The following DPP10 variants were observed in gnomAD, a reference collection of about 807,000 sequenced individuals.
DPP10 encodes the protein dipeptidyl peptidase like 10, also known as inactive dipeptidyl peptidase 10.
In DPP10, 33 loss-of-function variants were observed where a neutral mutation model predicts 120.9. The ratio of observed to expected loss-of-function variants is 0.27; its 90% CI spans 0.21 to 0.37. DPP10 has a LOEUF of 0.37. Among genes scored for constraint, DPP10 ranks in the 10% least tolerant of loss-of-function variants. The pLI is 1.00. For missense variants in DPP10, 816 were observed against 942.8 expected, an observed-to-expected ratio of 0.87 and a Z score of 1.76; for synonymous variants, 337 against 326.1, an observed-to-expected ratio of 1.03 and a Z score of -0.36.
chr2:114,948,930 G>GTT (rs1250432482), intron 1 of DPP10, among the ~76,000 whole-genome samples: 7 of 144,262 alleles, frequency 4.9e-5, no homozygotes, highest in African/African-American at 7.6e-5. Context: ...GAGACACTTT[G>GTT]TTTTTTTTTT....
intron 3 of DPP10, among the ~76,000 whole-genome samples, chr2:115,354,713 A>C (rs375463199): frequency 2.3e-4 from 35 of 151,746 alleles, no homozygotes; most frequent in African/African-American, 8.5e-4. Flanking sequence ...CCCCCACCCA[A>C]CAATAGGCCC....
At chr2:115,358,309 G>T (rs2064540359) in intron 3 of DPP10, among the ~76,000 whole-genome samples, 1 of 152,134 alleles carries the variant, frequency 6.6e-6, no homozygotes, top group Non-Finnish European at 1.5e-5. Flanking sequence ...ATGTCTCTAG[G>T]GCAGGGGCAA....
intron 1 of DPP10, among the ~76,000 whole-genome samples, chr2:114,695,453 A>G (rs930510617): frequency 6.6e-6 from 1 of 152,034 alleles, no homozygotes; most frequent in African/African-American, 2.4e-5. Flanking sequence ...ATTCCTCTGG[A>G]AATTCTTTGA....
chr2:114,978,724 A>G (rs1319244088), intron 1 of DPP10, among the ~76,000 whole-genome samples: 1 of 152,184 alleles, frequency 6.6e-6, no homozygotes, highest in Non-Finnish European at 1.5e-5. Context: ...CCCAAATAAA[A>G]AATGACACTA....
rs553360112 is a variant in DPP10 at position 114,758,603 on chromosome 2, T to A, written c.60+315765T>A. On this transcript the variant is annotated intron_variant, in intron 1 of 25. Transcript: ENST00000410059. The stretch of plus-strand genomic sequence containing the variant: ...GCTTTTAATTGTCCGTTCTACAGTC[T>A]TTAATGCTAAGAAGATATAGAGGTT... Among the ~76,000 whole-genome samples, 3 of 152,338 alleles carry A rather than the reference T, an allele frequency of 2.0e-5. No individual in the cohort carries two copies. The South Asian group carries it at 6.2e-4, about 32-fold the overall frequency.
intron 1 of DPP10, among the ~76,000 whole-genome samples, chr2:115,283,308 C>G (rs1223214990): frequency 1.3e-5 from 2 of 151,960 alleles, no homozygotes; most frequent in Non-Finnish European, 2.9e-5. Context: ...AGAATTAATC[C>G]ATGAAAAACT....
chr2:114,615,441 A>G (rs1344486270), intron 1 of DPP10, among the ~76,000 whole-genome samples: 1 of 152,148 alleles, frequency 6.6e-6, no homozygotes, highest in Non-Finnish European at 1.5e-5. Context: ...AATTATTTCT[A>G]GATCTCTGTC....
chr2:114,742,128 A>T (rs1678125537), intron 1 of DPP10, among the ~76,000 whole-genome samples: 1 of 152,214 alleles, frequency 6.6e-6, no homozygotes, highest in Admixed American at 6.5e-5. Flanking sequence ...TACTTACACA[A>T]AAAGTCAACA....
chr2:115,805,702 G>A (rs1040577059), intron 19 of DPP10, among the ~76,000 whole-genome samples: 2 of 151,572 alleles, frequency 1.3e-5, no homozygotes, highest in African/African-American at 4.9e-5. Context: ...AGCCTCCCGA[G>A]TAGCTAGGAT....
chr2:114,494,127 C>T (rs1682280456), intron 1 of DPP10, among the ~76,000 whole-genome samples: 1 of 117,264 alleles, frequency 8.5e-6, no homozygotes. Flanking sequence ...AAAAACCCAG[C>T]AAATTGTCAA....
intron 3 of DPP10, among the ~76,000 whole-genome samples, chr2:115,456,707 A>T (rs1408725278): frequency 2.0e-5 from 3 of 152,120 alleles, no homozygotes; most frequent in Admixed American, 6.6e-5. Context: ...AACTAACACA[A>T]GAACAGAAAA....
intron 5 of DPP10, among the ~76,000 whole-genome samples, chr2:115,613,790 G>A (rs1228482970): frequency 6.6e-6 from 1 of 152,174 alleles, no homozygotes; most frequent in African/African-American, 2.4e-5. Context: ...TACTTGGCAG[G>A]TGATCTTAAG....
At chr2:115,260,388 C>T (rs750828085) in intron 1 of DPP10, among the ~76,000 whole-genome samples, 2 of 151,994 alleles carry the variant, frequency 1.3e-5, no homozygotes, top group Admixed American at 1.3e-4. Context: ...TATTCCTAAA[C>T]CAAGAAACGT....
chr2:114,882,315 A>C (rs762962768), intron 1 of DPP10, among the ~76,000 whole-genome samples: 5 of 152,140 alleles, frequency 3.3e-5, no homozygotes, highest in Non-Finnish European at 5.9e-5. Context: ...ACCATAAAAC[A>C]CTACTCAGCC....
chr2:115,631,222 A>G (rs2085843766), intron 5 of DPP10, among the ~76,000 whole-genome samples: 1 of 152,058 alleles, frequency 6.6e-6, no homozygotes, highest in Admixed American at 6.5e-5. Context: ...GGGTATTTAT[A>G]GCATTCTCTG....
chr2:115,270,055 C>T (rs767820688), intron 1 of DPP10, among the ~76,000 whole-genome samples: 40 of 142,632 alleles, frequency 2.8e-4, no homozygotes, highest in Non-Finnish European at 5.3e-4. Context: ...TAACTTGTTA[C>T]TAGGTATACT....
chr2:114,629,065 A>G (rs991477671), intron 1 of DPP10, among the ~76,000 whole-genome samples: 1 of 152,140 alleles, frequency 6.6e-6, no homozygotes, highest in African/African-American at 2.4e-5. Context: ...TGCACCTCCC[A>G]TGGGTTATTT....
chr2:114,503,505 G>A (rs536035404), intron 1 of DPP10, among the ~76,000 whole-genome samples: 8 of 152,236 alleles, frequency 5.3e-5, no homozygotes, highest in African/African-American at 1.9e-4. Context: ...TTGGGTTTTA[G>A]CATACTGAAG....
intron 1 of DPP10, among the ~76,000 whole-genome samples, chr2:114,735,577 A>C (rs2105962087): frequency 6.6e-6 from 1 of 152,252 alleles, no homozygotes; most frequent in African/African-American, 2.4e-5. Context: ...CTAATGACCA[A>C]GCAAATCCCC....
Sources: allele counts gnomAD v4.1 joint callset (sites outside exome capture counted in the v4.1 genomes callset), GRCh38; gene constraint gnomAD v4.1.1; transcripts MANE v1.5; gene names NCBI Gene and HGNC (gene_info 2026-07-23, HGNC 2026-07-21).